WFS1: variants seen among roughly 807,000 people sequenced by gnomAD.
The protein encoded by WFS1 is wolframin ER transmembrane glycoprotein, also known as wolframin.
WFS1 carries 90 observed loss-of-function variants against 68.5 expected under a neutral mutation model. The ratio of observed to expected loss-of-function variants is 1.31; its 90% CI spans 1.11 to 1.56. The LOEUF is 1.56. Ranked by LOEUF, WFS1 falls within the 40% of genes most tolerant of loss-of-function variation. The pLI is 0.00. For synonymous variants in WFS1, 860 were observed against 540.7 expected, an observed-to-expected ratio of 1.59 and a Z score of -8.19; for missense variants, 1,767 against 1,232.6, an observed-to-expected ratio of 1.43 and a Z score of -6.49.
At position 6,291,292 on chromosome 4, in the gene WFS1, A is replaced by C; in HGVS notation, c.556A>C (p.Lys186Gln). The C allele has an allele frequency of 6.2e-7, 1 of 1,613,156 alleles. No homozygotes were observed. Among genetic ancestry groups the C allele is most frequent in the Non-Finnish European group, 8.5e-7 (1 of 1,179,966 alleles). Residue 186 changes from lysine to glutamine, a missense_variant, in exon 5 of 8, where the codon AAG (lysine) becomes CAG (glutamine). By Grantham distance (53) the Lys-to-Gln change is moderately conservative. Transcript: ENST00000226760. The stretch of plus-strand genomic sequence containing the variant: ...CAAGGCAGCCCTGGTCATGTACTGG[A>C]AGCTCAACCCCAAGAAGAAGAAGCA... Reference protein sequence around the residue: ...VRKAALVMYWKLNPKKKKQVA... With the variant: ...VRKAALVMYWQLNPKKKKQVA...
chr4:6,298,546 G>C (rs548245512), intron 7 of WFS1, among the ~76,000 whole-genome samples: 1 of 151,550 alleles, frequency 6.6e-6, no homozygotes, highest in Non-Finnish European at 1.5e-5. Context: ...CAGCAGAGCT[G>C]TTCCCCCACG....
chr4:6,284,168 G>A (rs4689392), intron 2 of WFS1, among the ~76,000 whole-genome samples: 95,066 of 151,854 alleles, frequency 0.63, 30,449 homozygotes, highest in East Asian at 0.94. Flanking sequence ...TCAGGGGTTC[G>A]AGACCAGCCT....
At chr4:6,299,194 A>T (rs1730751621) in intron 7 of WFS1, among the ~76,000 whole-genome samples, 1 of 152,224 alleles carries the variant, frequency 6.6e-6, no homozygotes, top group Non-Finnish European at 1.5e-5. Flanking sequence ...AGTTCTGCAC[A>T]GACCAGGAAG....
chr4:6,301,787 G>A lies in WFS1; in HGVS notation c.1992G>A (p.Leu664=). Residue 664 remains leucine, a synonymous_variant, in exon 8 of 8, where the codon CTG becomes CTA. Coordinates refer to ENST00000226760, the MANE Select transcript of WFS1 (RefSeq NM_006005.3). ...SEGMKVYNST[L]TWQQYGALCG... is the part of the protein sequence containing the mutation. Reference sequence around the variant, plus strand: ...GCATGAAGGTCTACAACTCCACACTGACCTGGCAGCAGTATGGTGCGCTGT... The same window carrying A: ...GCATGAAGGTCTACAACTCCACACTAACCTGGCAGCAGTATGGTGCGCTGT... The A allele has an allele frequency of 4.3e-6, 7 of 1,613,426 alleles. No individual in the cohort carries two copies. Among genetic ancestry groups the A allele is most frequent in the African/African-American group, 1.3e-5 (1 of 75,060 alleles).
rs376195481 is a variant in WFS1, at chr4:6,302,240, C to T, written c.2445C>T (p.Leu815=). 8 of 1,605,830 alleles carry T rather than the reference C, an allele frequency of 5.0e-6. No homozygotes were observed. The highest frequency in any genetic ancestry group is 3.3e-5 in the Admixed American group (2 of 59,818). ...GCAGCGAGTTCAAGAGCGTGCTGCTCAGCCTGCGCCAGGGCAGCCTCATCG... is the reference window on the plus strand; with the variant it reads ...GCAGCGAGTTCAAGAGCGTGCTGCTTAGCCTGCGCCAGGGCAGCCTCATCG... ...RASSEFKSVL[L]SLRQGSLIEF... is the part of the protein sequence containing the mutation. Residue 815 remains leucine, a synonymous_variant, in exon 8 of 8, where the codon CTC becomes CTT. Coordinates refer to ENST00000226760, the MANE Select transcript of WFS1 (RefSeq NM_006005.3).
chr4:6,291,908 C>T lies in WFS1; in HGVS notation c.632-9C>T, dbSNP rs1025242547. The T allele has an allele frequency of 4.4e-6, 7 of 1,607,958 alleles. No homozygotes were observed. In the African/African-American group the frequency reaches 8.0e-5, roughly 18 times the overall value. ...TTGTCTGACTGTTAATCCACCCTGT[C>T]CCCTGCAGATGGAGGGGCGCAGCCA... On this transcript the variant is annotated splice_polypyrimidine_tract_variant and intron_variant, in intron 5 of 7. Coordinates refer to ENST00000226760, the MANE Select transcript of WFS1 (RefSeq NM_006005.3).
intron 2 of WFS1, among the ~76,000 whole-genome samples, chr4:6,279,308 G>C (rs370936025): frequency 1.3e-5 from 2 of 152,200 alleles, no homozygotes; most frequent in Non-Finnish European, 2.9e-5. Context: ...ACACTTCCCC[G>C]AGCTAGGCAT....
At position 6,300,675 on chromosome 4, in the gene WFS1, C is replaced by T. The variant is rs1417724907; in HGVS notation, c.880C>T (p.His294Tyr). ...CCCCCAGGTGGTCAAGTACCCCCTG[C>T]ACGCCATCATGGAGATCAAGGAGTA... ...LRLKVVKYPL[H>Y]AIMEIKEYLI... is the part of the protein sequence containing the mutation. Residue 294 changes from histidine to tyrosine, a missense_variant, in exon 8 of 8, where the codon CAC (histidine) becomes TAC (tyrosine). His to Tyr is a moderately conservative substitution (Grantham distance 83). Transcript: ENST00000226760. The T allele has an allele frequency of 1.9e-6, 3 of 1,614,022 alleles. No homozygotes were observed. The highest frequency in any genetic ancestry group is 1.7e-5 in the Admixed American group (1 of 60,004).
intron 1 of WFS1, among the ~76,000 whole-genome samples, chr4:6,275,765 A>T (rs1729976408): frequency 6.6e-6 from 1 of 152,100 alleles, no homozygotes; most frequent in Non-Finnish European, 1.5e-5. Flanking sequence ...TGGAGCAGAA[A>T]TTGTTGTGTG....
intron 1 of WFS1, among the ~76,000 whole-genome samples, chr4:6,272,974 A>G (rs1165178979): frequency 6.6e-6 from 1 of 152,208 alleles, no homozygotes; most frequent in African/African-American, 2.4e-5. Flanking sequence ...AAAGTGCCAT[A>G]TGATGGACAT....
intron 1 of WFS1, among the ~76,000 whole-genome samples, chr4:6,275,485 A>G (rs1183430092): frequency 2.0e-5 from 3 of 148,202 alleles, no homozygotes; most frequent in Admixed American, 7.0e-5. Context: ...GGGAACTTGG[A>G]AACAGGATGG....
chr4:6,299,296 T>C (rs769008408), intron 7 of WFS1, among the ~76,000 whole-genome samples: 8 of 152,212 alleles, frequency 5.3e-5, no homozygotes, highest in Non-Finnish European at 8.8e-5. Flanking sequence ...TCCTCTTGGC[T>C]GTGGTGAAGG....
Position 6,301,463 on chromosome 4 carries a change from G to GGAGTC in WFS1, c.1668_1669insGAGTC (p.Leu557GlufsTer70). 1.9e-6 allele frequency: 3 copies of GGAGTC among 1,612,652 alleles called. No homozygotes were observed. The highest frequency in any genetic ancestry group is 2.5e-6 in the Non-Finnish European group (3 of 1,180,024). On this transcript the variant is annotated frameshift_variant, in exon 8 of 8. Transcript: ENST00000226760. LOFTEE classifies it high-confidence loss of function. ...TGCTGGAGTCCACCGGCCTGGGGCT[G>GGAGTC]CTCCGCGCCTCCATCGGCTACTTCC...
chr4:6,292,539 G>C (rs548074161), intron 6 of WFS1, among the ~76,000 whole-genome samples: 275 of 152,230 alleles, frequency 1.8e-3, no homozygotes, highest in Admixed American at 3.2e-3. Flanking sequence ...GGTGCCTCTG[G>C]GATGTTTGTG....
intron 2 of WFS1, among the ~76,000 whole-genome samples, chr4:6,282,905 T>C (rs1730206886): frequency 6.6e-6 from 1 of 152,240 alleles, no homozygotes; most frequent in African/African-American, 2.4e-5. Flanking sequence ...CTGCAGGCCC[T>C]ATTTGCAGTG....
chr4:6,302,673 T>C lies in WFS1; in HGVS notation c.*205T>C. 3 of 721,126 alleles carry C rather than the reference T, an allele frequency of 4.2e-6. No individual in the cohort carries two copies. The highest frequency in any genetic ancestry group is 1.9e-5 in the South Asian group (1 of 53,142). The allele number at this position is 721,126 out of a possible 1,614,324, so 44.7% of individuals were successfully genotyped here. On this transcript the variant is annotated 3_prime_UTR_variant, in exon 8 of 8. Transcript: ENST00000226760. ...AGCTCTGTCCACTCTGAATACCAAG[T>C]GTGTTGGGAATTGCATGCCATCTCC...
intron 6 of WFS1, chr4:6,294,799 A>G (rs1730578650): frequency 1.8e-6 from 1 of 550,368 alleles, no homozygotes; most frequent in East Asian, 3.3e-5. Context: ...GGTGGGGGAC[A>G]GCACACCCAG....
At chr4:6,271,882 G>A (rs1263932362) in intron 1 of WFS1, among the ~76,000 whole-genome samples, 2 of 152,166 alleles carry the variant, frequency 1.3e-5, no homozygotes, top group Non-Finnish European at 2.9e-5. Flanking sequence ...GACCCGCCTC[G>A]CTGCTCACTC....
rs539932799 is a variant in WFS1, at chr4:6,276,899, G to A, written c.-5-552G>A. ...TCCTGCTCCTTGGCCACTGTCACCC[G>A]TCTCCGCATGGCTCTGTTACACTTC... is the stretch of plus-strand genomic sequence containing the variant. On this transcript the variant is annotated intron_variant, in intron 1 of 7. Transcript: ENST00000226760. 8.5e-5 allele frequency among the ~76,000 whole-genome samples: 13 copies of A among 152,274 alleles called. No homozygotes were observed. In the East Asian group the frequency reaches 1.4e-3, roughly 16 times the overall value.
Sources: allele counts gnomAD v4.1 joint callset (sites outside exome capture counted in the v4.1 genomes callset), GRCh38; gene constraint gnomAD v4.1.1; transcripts MANE v1.5; gene names NCBI Gene and HGNC (gene_info 2026-07-23, HGNC 2026-07-21).